The following HRK variants were observed in gnomAD, a reference collection of about 807,000 sequenced individuals.
The protein encoded by HRK is harakiri, BCL2 interacting protein, also known as activator of apoptosis harakiri.
In HRK, 6 loss-of-function variants were observed where a neutral mutation model predicts 5.9. That is an observed-to-expected ratio of 1.02 (90% CI 0.56 to 2.01). The LOEUF (loss-of-function observed/expected upper bound fraction) is 2.01, where lower values mean the gene tolerates loss of function less well. Ranked by LOEUF, HRK falls within the 30% of genes most tolerant of loss-of-function variation. The pLI is 0.00. For missense variants in HRK, 133 were observed against 128.3 expected, an observed-to-expected ratio of 1.04 and a Z score of -0.18; for synonymous variants, 85 against 65.1, an observed-to-expected ratio of 1.31 and a Z score of -1.47.
rs1184217284 is a variant in HRK at position 116,858,943 on chromosome 12, A to T, written c.*2580T>A. ...CAATTTCCTAATACAAATGTCCATC[A>T]AGAAGTCAAATCTCATATAAAAACA... is the stretch of plus-strand genomic sequence containing the variant. On this transcript the variant is annotated 3_prime_UTR_variant, in exon 2 of 2. Coordinates refer to ENST00000257572, the MANE Select transcript of HRK (RefSeq NM_003806.4). 6.6e-6 allele frequency: 1 copy of T among 152,184 alleles called. No homozygotes were observed. The highest frequency in any genetic ancestry group is 1.5e-5 in the Non-Finnish European group (1 of 68,022). The allele number at this position is 152,184 out of a possible 1,614,324, so 9.4% of individuals were successfully genotyped here.
chr12:116,881,358 T>C lies in HRK; in HGVS notation c.-51A>G. 2 of 1,037,578 alleles carry C rather than the reference T, an allele frequency of 1.9e-6. No individual in the cohort carries two copies. The highest frequency in any genetic ancestry group is 4.6e-4 in the Middle Eastern group (1 of 2,170). 64.3% of individuals were successfully genotyped at this position (1,037,578 alleles called of 1,614,324 possible). A position where few individuals can be genotyped will look rare whatever the true frequency, so the allele number is the denominator to read the frequency against. ...CGCTCGGGCCGCCCCTCGCCTCCTC[T>C]CCCTCCGGCCTCTGCGCCCGCTGCC... On this transcript the variant is annotated 5_prime_UTR_variant, in exon 1 of 2. Coordinates refer to ENST00000257572, the MANE Select transcript of HRK (RefSeq NM_003806.4).
At chr12:116,873,707 C>T (rs1878837931) in intron 1 of HRK, among the ~76,000 whole-genome samples, 1 of 152,106 alleles carries the variant, frequency 6.6e-6, no homozygotes, top group African/African-American at 2.4e-5. Context: ...TCAAGTTTCC[C>T]AGAGCAATTA....
intron 1 of HRK, among the ~76,000 whole-genome samples, chr12:116,866,279 G>T (rs1024894105): frequency 1.3e-5 from 2 of 151,718 alleles, no homozygotes; most frequent in African/African-American, 2.4e-5. Context: ...AGGAAGGACT[G>T]GGCATGGTGG....
At chr12:116,866,677 C>G (rs1593005519) in intron 1 of HRK, among the ~76,000 whole-genome samples, 1 of 152,126 alleles carries the variant, frequency 6.6e-6, no homozygotes, top group Admixed American at 6.5e-5. Context: ...CTATCAGCTA[C>G]TAGATAGTGA....
At chr12:116,866,798 T>C (rs1455626872) in intron 1 of HRK, among the ~76,000 whole-genome samples, 3 of 151,074 alleles carry the variant, frequency 2.0e-5, no homozygotes, top group Admixed American at 1.3e-4. Flanking sequence ...GCAGTGAGAG[T>C]TGGGTAGTAG....
chr12:116,868,746 G>A (rs999959194), intron 1 of HRK, among the ~76,000 whole-genome samples: 3 of 152,158 alleles, frequency 2.0e-5, no homozygotes, highest in Non-Finnish European at 2.9e-5. Context: ...TAGGCATGGC[G>A]GTTTGCATCT....
At chr12:116,871,538 A>G (rs2137250365) in intron 1 of HRK, among the ~76,000 whole-genome samples, 1 of 151,270 alleles carries the variant, frequency 6.6e-6, no homozygotes, top group East Asian at 1.9e-4. Flanking sequence ...TCCTGACCTC[A>G]AATGATCCAC....
intron 1 of HRK, chr12:116,869,506 A>G (rs1219142092): frequency 1.3e-5 from 2 of 152,200 alleles, no homozygotes; most frequent in East Asian, 1.9e-4. Flanking sequence ...CACAGATGCT[A>G]TTATTCTTCC....
chr12:116,864,126 A>C (rs1316019909), intron 1 of HRK, among the ~76,000 whole-genome samples: 1 of 152,200 alleles, frequency 6.6e-6, no homozygotes, highest in African/African-American at 2.4e-5. Flanking sequence ...ATACATTCTA[A>C]ATTTAGTTTA....
rs1002299265 is a variant in HRK, at chr12:116,859,679, G to A, written c.*1844C>T. ...TTTGCTGAGTTCAAAGCTGCGGGGT[G>A]GGGGAGTCTTCCCTGGCATTCAGCA... is the stretch of plus-strand genomic sequence containing the variant. On this transcript the variant is annotated 3_prime_UTR_variant, in exon 2 of 2. Transcript: ENST00000257572. 2.6e-5 allele frequency: 4 copies of A among 151,422 alleles called. No individual in the cohort carries two copies. The highest frequency in any genetic ancestry group is 1.3e-4 in the Admixed American group (2 of 15,190). The allele number at this position is 151,422 out of a possible 1,614,324, so 9.4% of individuals were successfully genotyped here.
chr12:116,874,184 C>T (rs1495932), intron 1 of HRK, among the ~76,000 whole-genome samples: 145,056 of 152,242 alleles, frequency 0.95, 69,157 homozygotes, highest in African/African-American at 0.98. Context: ...AGGGCTGTGG[C>T]TGGGACTCAT....
chr12:116,859,272 AC>A lies in HRK; in HGVS notation c.*2250del, dbSNP rs1187470914. On this transcript the variant is annotated 3_prime_UTR_variant, in exon 2 of 2. Transcript: ENST00000257572. Reference sequence around the variant, plus strand: ...TCGGGGCTGAAAAAGGGATCCTCTCACCTTTCATCTTCTCCTGTGTCTACAG... The same window carrying A: ...TCGGGGCTGAAAAAGGGATCCTCTCACTTTCATCTTCTCCTGTGTCTACAG... 10 of 152,168 alleles carry A rather than the reference AC, an allele frequency of 6.6e-5. No individual in the cohort carries two copies. The highest frequency in any genetic ancestry group is 2.2e-4 in the African/African-American group (9 of 41,418). The allele number at this position is 152,168 out of a possible 1,614,324, so 9.4% of individuals were successfully genotyped here.
chr12:116,868,542 T>C (rs1878629762), intron 1 of HRK, among the ~76,000 whole-genome samples: 1 of 152,190 alleles, frequency 6.6e-6, no homozygotes, highest in South Asian at 2.1e-4. Flanking sequence ...CACAGATCTT[T>C]TGAGAATTGG....
intron 1 of HRK, among the ~76,000 whole-genome samples, chr12:116,876,312 A>C (rs1878926185): frequency 1.3e-5 from 2 of 152,156 alleles, no homozygotes; most frequent in African/African-American, 4.8e-5. Context: ...CCAAGCTTTC[A>C]AGCTCTAAAA....
At chr12:116,872,006 G>A (rs901726287) in intron 1 of HRK, among the ~76,000 whole-genome samples, 2 of 151,354 alleles carry the variant, frequency 1.3e-5, no homozygotes, top group Admixed American at 6.6e-5. Context: ...CTACAACTTC[G>A]AACTCCTGGG....
Position 116,881,227 on chromosome 12 carries a change from C to T in HRK, c.81G>A (p.Ser27=), listed in dbSNP as rs998368044. 1 of 1,110,692 alleles carries T rather than the reference C, an allele frequency of 9.0e-7. No individual in the cohort carries two copies. Among genetic ancestry groups the T allele is most frequent in the Non-Finnish European group, 1.1e-6 (1 of 912,260 alleles). 68.8% of individuals were successfully genotyped at this position (1,110,692 alleles called of 1,614,324 possible). A position where few individuals can be genotyped will look rare whatever the true frequency, so the allele number is the denominator to read the frequency against. Residue 27 remains serine (S), a synonymous_variant, in exon 1 of 2, where the codon TCG becomes TCA. Transcript: ENST00000257572. The part of the protein sequence containing the change: ...ACSAGRLGLR[S]SAAQLTAARL... Reference sequence around the variant, plus strand: ...GGGCGGCGGTGAGCTGCGCGGCGGACGAGCGCAGCCCCAGGCGACCCGCGC... The same window carrying T: ...GGGCGGCGGTGAGCTGCGCGGCGGATGAGCGCAGCCCCAGGCGACCCGCGC...
chr12:116,880,048 C>CTT (rs1879088152), intron 1 of HRK, among the ~76,000 whole-genome samples: 5 of 152,176 alleles, frequency 3.3e-5, no homozygotes, highest in Non-Finnish European at 7.3e-5. Flanking sequence ...AGGCGCACAG[C>CTT]TAGGGCACAA....
At position 116,862,222 on chromosome 12, in the gene HRK, A is replaced by G. The variant is rs1279604230; in HGVS notation, c.*57-756T>C. On this transcript the variant is annotated intron_variant, in intron 1 of 1. Transcript: ENST00000257572. This position sits in a 1 kb window ranked among gnomAD's most constrained non-coding sequence, Gnocchi z 4.0. Reference sequence around the variant, plus strand: ...GCATCCTAGGCAGGGCAGAAAAAACAGCCCATACCCAGGAGCATCCACCAC... The same window carrying G: ...GCATCCTAGGCAGGGCAGAAAAAACGGCCCATACCCAGGAGCATCCACCAC... Among the ~76,000 whole-genome samples the G allele has an allele frequency of 1.3e-5, 2 of 152,216 alleles. No homozygotes were observed. The highest frequency in any genetic ancestry group is 2.4e-5 in the African/African-American group (1 of 41,454).
At chr12:116,876,075 C>T (rs997551718) in intron 1 of HRK, among the ~76,000 whole-genome samples, 1 of 152,122 alleles carries the variant, frequency 6.6e-6, no homozygotes, top group Non-Finnish European at 1.5e-5. Flanking sequence ...GTTATGATTG[C>T]CAAATCCAGC....
Sources: gnomAD v4.1 joint callset for allele counts (sites outside exome capture counted in the v4.1 genomes callset) on GRCh38, gnomAD v4.1.1 for gene constraint, Gnocchi (gnomAD v3.1) non-coding constraint, MANE v1.5 for transcripts, NCBI Gene and HGNC (gene_info 2026-07-23, HGNC 2026-07-21) for gene names.